Variants in SCHIP1 observed in about 807,000 individuals in gnomAD.
SCHIP1 encodes schwannomin-interacting protein 1.
In SCHIP1, 8 loss-of-function variants were observed where a neutral mutation model predicts 29.7. The observed-to-expected ratio is 0.27, with a 90% CI of 0.16 to 0.49. The LOEUF (loss-of-function observed/expected upper bound fraction) is 0.49, where lower values mean the gene tolerates loss of function less well. Ranked by LOEUF, SCHIP1 falls within the 20% of genes least tolerant of loss-of-function variation. SCHIP1 has a pLI of 0.99. For missense variants in SCHIP1, 193 were observed against 294.6 expected (o/e 0.66, Z 2.52); for synonymous variants, 76 against 94.9 (o/e 0.80, Z 1.16).
At chr3:159,379,795 A>AG in the SCHIP1 span, among the ~76,000 whole-genome samples, 42,791 of 152,036 alleles carry the variant, frequency 0.28, 6,490 homozygotes, top group African/African-American at 0.41. Context: ...TGGGAAAAAG[A>AG]AGGTCAGTGC....
At chr3:159,830,741 A>G in the SCHIP1 span, among the ~76,000 whole-genome samples, 1 of 152,218 alleles carries the variant, frequency 6.6e-6, no homozygotes, top group East Asian at 1.9e-4. Context: ...ACGCAATAGT[A>G]GCCTGCAAGT....
At chr3:159,645,377 C>T in the SCHIP1 span, among the ~76,000 whole-genome samples, 1 of 152,106 alleles carries the variant, frequency 6.6e-6, no homozygotes, top group Non-Finnish European at 1.5e-5. Flanking sequence ...CACATCGACT[C>T]CTGCAAGAAC....
the SCHIP1 span, among the ~76,000 whole-genome samples, chr3:159,667,037 T>C: frequency 6.6e-6 from 1 of 152,212 alleles, no homozygotes; most frequent in African/African-American, 2.4e-5. Context: ...CATGAAATAA[T>C]GGCAATGATG....
the SCHIP1 span, among the ~76,000 whole-genome samples, chr3:159,703,482 C>CA: frequency 1.3e-5 from 2 of 151,772 alleles, no homozygotes; most frequent in Admixed American, 6.6e-5. Flanking sequence ...AATTGTGTCA[C>CA]AAAAAAACTG....
At chr3:159,813,133 AACATGAGTT>A in the SCHIP1 span, among the ~76,000 whole-genome samples, 1 of 152,198 alleles carries the variant, frequency 6.6e-6, no homozygotes, top group Non-Finnish European at 1.5e-5. Context: ...ACCAAGCTTC[AACATGAGTT>A]TTGGAGGGAG....
the SCHIP1 span, among the ~76,000 whole-genome samples, chr3:159,772,435 G>GC: frequency 6.6e-6 from 1 of 152,166 alleles, no homozygotes; most frequent in Non-Finnish European, 1.5e-5. Flanking sequence ...GAGCCACCAC[G>GC]CCCGGCCCAT....
the SCHIP1 span, among the ~76,000 whole-genome samples, chr3:159,494,237 A>G: frequency 6.6e-6 from 1 of 152,220 alleles, no homozygotes; most frequent in African/African-American, 2.4e-5. Context: ...GCAGAAGGCA[A>G]GAAATAACTA....
the SCHIP1 span, among the ~76,000 whole-genome samples, chr3:159,392,271 A>G: frequency 6.6e-6 from 1 of 152,172 alleles, no homozygotes; most frequent in East Asian, 1.9e-4. Flanking sequence ...ACATGTAAAC[A>G]TGGCTGAGAT....
chr3:159,890,815 G>A (rs1717440674), intron 5 of SCHIP1, among the ~76,000 whole-genome samples: 1 of 151,662 alleles, frequency 6.6e-6, no homozygotes, highest in African/African-American at 2.4e-5. Context: ...AAACTAGTTT[G>A]ACCTAAAGGC....
chr3:159,633,449 C>T, the SCHIP1 span, among the ~76,000 whole-genome samples: 10,926 of 152,212 alleles, frequency 0.072, 566 homozygotes, highest in South Asian at 0.19. Flanking sequence ...ACCCACAGGG[C>T]ACACCATCTC....
At chr3:159,410,567 A>G in the SCHIP1 span, among the ~76,000 whole-genome samples, 1 of 152,172 alleles carries the variant, frequency 6.6e-6, no homozygotes, top group Admixed American at 6.5e-5. Context: ...GCAAATCAAA[A>G]CTACAATGAG....
chr3:159,293,180 A>T, the SCHIP1 span, among the ~76,000 whole-genome samples: 1 of 152,180 alleles, frequency 6.6e-6, no homozygotes, highest in Non-Finnish European at 1.5e-5. Context: ...ACCTATGGTA[A>T]ATGGATGCAA....
the SCHIP1 span, among the ~76,000 whole-genome samples, chr3:159,799,487 A>T: frequency 2.0e-5 from 3 of 152,248 alleles, no homozygotes; most frequent in African/African-American, 4.8e-5. Flanking sequence ...CTTCTTGAGG[A>T]GTGCCAGGGA....
chr3:159,454,778 C>G, the SCHIP1 span, among the ~76,000 whole-genome samples: 1 of 152,190 alleles, frequency 6.6e-6, no homozygotes, highest in African/African-American at 2.4e-5. Context: ...GCCTCAATGA[C>G]TTGTCCAAGG....
the SCHIP1 span, among the ~76,000 whole-genome samples, chr3:159,332,683 T>C: frequency 6.6e-6 from 1 of 152,130 alleles, no homozygotes; most frequent in Non-Finnish European, 1.5e-5. Flanking sequence ...TGAATATCCA[T>C]GGTTAGTTTG....
At chr3:159,887,577 T>C (rs2109450347) in intron 3 of SCHIP1, 131 bp from the exon 5 acceptor site, 3 of 944,168 alleles carry the variant, frequency 3.2e-6, no homozygotes, top group South Asian at 1.6e-5. Flanking sequence ...TCAACTCAAG[T>C]AGCAAGTCAC....
At chr3:159,545,567 C>T in the SCHIP1 span, among the ~76,000 whole-genome samples, 2 of 149,468 alleles carry the variant, frequency 1.3e-5, no homozygotes, top group Non-Finnish European at 1.5e-5. Context: ...TTAATAAACT[C>T]CCCTTCATAT....
chr3:159,737,648 G>A, the SCHIP1 span, among the ~76,000 whole-genome samples: 1 of 152,200 alleles, frequency 6.6e-6, no homozygotes, highest in African/African-American at 2.4e-5. Flanking sequence ...AACAGAAAGA[G>A]GTTAAGTAAC....
At chr3:159,598,674 G>A in the SCHIP1 span, among the ~76,000 whole-genome samples, 1 of 152,124 alleles carries the variant, frequency 6.6e-6, no homozygotes, top group African/African-American at 2.4e-5. Context: ...CAGGGACAAG[G>A]TGCAAGATAT....
Sources: gnomAD v4.1 joint callset for allele counts (sites outside exome capture counted in the v4.1 genomes callset) on GRCh38, gnomAD v4.1.1 for gene constraint, MANE v1.5 for transcripts, NCBI Gene and HGNC (gene_info 2026-07-23, HGNC 2026-07-21) for gene names.